SUGP2: variants seen among roughly 807,000 people sequenced by gnomAD.
SUGP2 encodes SURP and G-patch domain containing 2.
Under a neutral mutation model 90.5 loss-of-function variants are expected in SUGP2, and 24 were observed. The ratio of observed to expected loss-of-function variants is 0.27; its 90% CI spans 0.19 to 0.37. The LOEUF is 0.37. SUGP2 is among the 10% of genes least tolerant of loss of function. The pLI is 1.00. For missense variants in SUGP2, 1,233 were observed against 1,363.3 expected (o/e 0.90, Z 1.51); for synonymous variants, 473 against 513.4 (o/e 0.92, Z 1.06).
chr19:19,019,501 A>G (rs958688254), intron 3 of SUGP2, among the ~76,000 whole-genome samples: 2 of 152,204 alleles, frequency 1.3e-5, no homozygotes, highest in Non-Finnish European at 2.9e-5. Flanking sequence ...CTAGAAAAAG[A>G]AAGATATATA....
chr19:19,026,192 C>G lies in SUGP2; in HGVS notation c.156G>C (p.Glu52Asp), dbSNP rs375114418. 6.3e-5 allele frequency: 102 copies of G among 1,609,150 alleles called. No homozygotes were observed. The highest frequency in any genetic ancestry group is 4.0e-4 in the Admixed American group (24 of 59,436). ...CATCGCTGTGGACGTCATCATACAT[C>G]TCTGCTCTGGATCTTGGGACTGCCC... ...LLRAVPRSRA[E>D]MYDDVHSDGR... The change falls in exon 3 of 11, where the codon GAG (glutamate) becomes GAC (aspartate). Residue 52 changes from glutamate (E) to aspartate (D), a missense_variant. Physicochemically the swap from Glu to Asp is conservative, Grantham distance 45. Transcript: ENST00000452918.
chr19:19,033,526 GA>G, upstream of SUGP2: 4 of 1,397,050 alleles, frequency 2.9e-6, no homozygotes, highest in Non-Finnish European at 3.7e-6. Flanking sequence ...ACATGCAAAT[GA>G]ACCAACGGTC....
intron 2 of SUGP2, among the ~76,000 whole-genome samples, chr19:19,029,768 T>C (rs1330393421): frequency 6.6e-6 from 1 of 151,712 alleles, no homozygotes; most frequent in African/African-American, 2.4e-5. Context: ...TGAAACCCCA[T>C]CTTTACTAAA....
intron 8 of SUGP2, among the ~76,000 whole-genome samples, chr19:18,996,470 C>T (rs1284713022): frequency 6.6e-6 from 1 of 151,894 alleles, no homozygotes; most frequent in South Asian, 2.1e-4. Flanking sequence ...AGGCTGGTCT[C>T]GGATTCCCGG....
chr19:19,013,488 A>T (rs1253461932), intron 4 of SUGP2, among the ~76,000 whole-genome samples: 1 of 152,100 alleles, frequency 6.6e-6, no homozygotes, highest in Admixed American at 6.6e-5. Flanking sequence ...CGACACACAT[A>T]CCTAAACTTT....
At position 19,004,610 on chromosome 19, in the gene SUGP2, G is replaced by A; in HGVS notation, c.2487C>T (p.Phe829=). 6.2e-7 allele frequency: 1 copy of A among 1,612,486 alleles called. No homozygotes were observed. The highest frequency in any genetic ancestry group is 8.5e-7 in the Non-Finnish European group (1 of 1,178,958). Residue 829 remains phenylalanine (F), a synonymous_variant, in exon 7 of 11, where the codon TTC becomes TTT. Transcript: ENST00000452918. ...ATAGTTCAAACACTTTCTTTCGATA[G>A]AATTTGAAAGCAGAACTATTTTGGT... ...LHDQNSSAFK[F]YRKKVFELCP...
rs185337506 is a variant in SUGP2, at chr19:19,028,525, G to C, written c.122-2299C>G. ...GGAACATTAGTGACAGAGAGTGATG[G>C]CTGGATTCTACTCAAGAGAATTTTC... On this transcript the variant is annotated intron_variant, in intron 2 of 10. Transcript: ENST00000452918. Among the ~76,000 whole-genome samples, 9 of 152,332 alleles carry C rather than the reference G, an allele frequency of 5.9e-5. 1 individual carries two copies. The East Asian group carries it at 1.7e-3, about 29-fold the overall frequency.
At chr19:19,029,956 AAAG>A (rs2059087479) in intron 2 of SUGP2, among the ~76,000 whole-genome samples, 2 of 151,622 alleles carry the variant, frequency 1.3e-5, no homozygotes. Flanking sequence ...TAAAAAAAAA[AAAG>A]AACTAGTAGA....
rs370989936 is a variant in SUGP2 at position 19,025,431 on chromosome 19, T to C, written c.917A>G (p.Asn306Ser). 2 of 1,614,078 alleles carry C rather than the reference T, an allele frequency of 1.2e-6. No homozygotes were observed. The highest frequency in any genetic ancestry group is 1.7e-6 in the Non-Finnish European group (2 of 1,180,044). ...CATCTTTCTTCTGGGGAGCCGAAGA[T>C]TCTTCAGATCCAGCCCCAGAGGGAT... is the stretch of plus-strand genomic sequence containing the variant. The part of the protein sequence containing the change: ...QKIPLGLDLK[N>S]LRLPRRKMSF... The change falls in exon 3 of 11, where the codon AAT becomes AGT. Residue 306 changes from asparagine (N) to serine (S), a missense_variant. Transcript: ENST00000452918.
intron 8 of SUGP2, among the ~76,000 whole-genome samples, chr19:18,998,441 C>T (rs1259103711): frequency 2.6e-5 from 4 of 152,212 alleles, no homozygotes; most frequent in African/African-American, 4.8e-5. Flanking sequence ...TGTAAGCCAC[C>T]GCACACCTTT....
In SUGP2 at chr19:19,002,890, C is replaced by T. The variant is rs183811197; in HGVS notation, c.2930-1216G>A. On this transcript the variant is annotated intron_variant, in intron 7 of 10. Transcript: ENST00000452918. Reference sequence around the variant, plus strand: ...CAGAAATAAAAAACTCCACCTCCCCCCAAGAAGAGCATACATAACAAGCAC... The same window carrying T: ...CAGAAATAAAAAACTCCACCTCCCCTCAAGAAGAGCATACATAACAAGCAC... Among the ~76,000 whole-genome samples the T allele has an allele frequency of 2.2e-4, 34 of 152,210 alleles. No homozygotes were observed. The East Asian group carries it at 3.9e-3, about 17-fold the overall frequency.
At chr19:19,007,506 G>T (rs1334563583) in intron 6 of SUGP2, 1 of 152,648 alleles carries the variant, frequency 6.6e-6, no homozygotes, top group Non-Finnish European at 1.5e-5. Flanking sequence ...AGGCTGGAGT[G>T]CAATGGCGCG....
intron 9 of SUGP2, 103 bp from the exon 10 acceptor site, chr19:18,994,589 GAC>G (rs2057497954): frequency 1.4e-6 from 2 of 1,448,180 alleles, no homozygotes; most frequent in East Asian, 4.6e-5. Context: ...AGGTGTTTGG[GAC>G]ACACACTGAG....
Position 19,025,164 on chromosome 19 carries a change from G to A in SUGP2, c.1184C>T (p.Thr395Ile). 1 of 1,612,602 alleles carries A rather than the reference G, an allele frequency of 6.2e-7. No individual in the cohort carries two copies. Among genetic ancestry groups the A allele is most frequent in the Non-Finnish European group, 8.5e-7 (1 of 1,179,802 alleles). The part of the protein sequence containing the change: ...IKFLKHSALK[T>I]PRVDNEFLNM... ...TAAAAACTCATTATCAACTCTGGGT[G>A]TTTTCAAAGCAGAGTGCTTTAAAAA... Residue 395 changes from threonine (T) to isoleucine (I), a missense_variant, in exon 3 of 11, where the codon ACA (threonine) becomes ATA (isoleucine). By Grantham distance (89) the Thr-to-Ile change is moderately conservative. Transcript: ENST00000452918.
At chr19:19,026,541 C>T (rs2058940249) in intron 2 of SUGP2, among the ~76,000 whole-genome samples, 1 of 152,216 alleles carries the variant, frequency 6.6e-6, no homozygotes, top group African/African-American at 2.4e-5. Context: ...TTGGCACCAA[C>T]AGCCCTCGCT....
intron 2 of SUGP2, among the ~76,000 whole-genome samples, chr19:19,027,661 G>C (rs947806596): frequency 6.6e-6 from 1 of 150,432 alleles, no homozygotes; most frequent in Non-Finnish European, 1.5e-5. Flanking sequence ...ACAGAGTCTC[G>C]CTCTGTTGCC....
chr19:19,008,377 T>A lies in SUGP2; in HGVS notation c.2390A>T (p.Gln797Leu), dbSNP rs2058170524. ...TAEKLARFVA[Q>L]VGPEIEQFSI... ...GAATTGTTCGATCTCTGGTCCCACCTGAGCAACAAATCTAGCCAGTTTCTC... is the reference window on the plus strand; with the variant it reads ...GAATTGTTCGATCTCTGGTCCCACCAGAGCAACAAATCTAGCCAGTTTCTC... The change falls in exon 6 of 11, where the codon CAG becomes CTG. Residue 797 changes from glutamine to leucine, a missense_variant. Around this residue, in one of 8 missense-constraint regions of SUGP2, gnomAD observed 540 missense variants for 542.6 expected, o/e 1.00. Transcript: ENST00000452918. The A allele has an allele frequency of 1.2e-6, 2 of 1,614,104 alleles. No homozygotes were observed. Among genetic ancestry groups the A allele is most frequent in the African/African-American group, 1.3e-5 (1 of 74,930 alleles).
intron 5 of SUGP2, among the ~76,000 whole-genome samples, chr19:19,009,591 C>G (rs1166998991): frequency 2.6e-5 from 4 of 152,202 alleles, no homozygotes; most frequent in African/African-American, 4.8e-5. Context: ...CAGCAGGACC[C>G]TGTCGGGGAG....
chr19:19,033,530 C>A (rs2059283764), upstream of SUGP2: 10 of 1,394,910 alleles, frequency 7.2e-6, no homozygotes, highest in Non-Finnish European at 9.3e-6. Context: ...GCAAATGAAC[C>A]AACGGTCTCC....
Sources: allele counts gnomAD v4.1 joint callset (sites outside exome capture counted in the v4.1 genomes callset), GRCh38; gene constraint gnomAD v4.1.1; regional missense constraint gnomAD v4.1.1; transcripts MANE v1.5; gene names NCBI Gene and HGNC (gene_info 2026-07-23, HGNC 2026-07-21).